FAAH2: variants seen among roughly 807,000 people sequenced by gnomAD.
FAAH2 encodes the protein fatty-acid amide hydrolase 2.
FAAH2 carries 60 observed loss-of-function variants against 36.9 expected under a neutral mutation model. That is an observed-to-expected ratio of 1.63 (90% confidence interval 1.32 to 2.02). The LOEUF (loss-of-function observed/expected upper bound fraction) is 2.02. Among genes scored for constraint, FAAH2 ranks in the 30% most tolerant of loss-of-function variants. The pLI, the probability that FAAH2 is intolerant of heterozygous loss-of-function variation, is 0.00. For missense variants in FAAH2, 689 were observed against 397.5 expected (o/e 1.73, Z -6.23); for synonymous variants, 214 against 143.8 (o/e 1.49, Z -3.49).
chrX:57,480,272 A>G (rs1332041247), intron 10 of FAAH2, among the ~76,000 whole-genome samples: 1 of 111,961 alleles, frequency 8.9e-6, no homozygotes, highest in Non-Finnish European at 1.9e-5. Context: ...TGGGGCCAGC[A>G]TCATCTTGAT....
At chrX:57,423,851 T>G (rs1327121368) in intron 7 of FAAH2, among the ~76,000 whole-genome samples, 1 of 111,354 alleles carries the variant, frequency 9.0e-6, no homozygotes, top group African/African-American at 3.3e-5. Flanking sequence ...TTCTGAGATA[T>G]CTGAGTATTT....
At chrX:57,470,464 A>G (rs1569367300) in intron 10 of FAAH2, among the ~76,000 whole-genome samples, 1 of 111,868 alleles carries the variant, frequency 8.9e-6, no homozygotes, top group Admixed American at 9.5e-5. Context: ...AGAATACTAT[A>G]AGCACCTCTA....
At chrX:57,481,015 T>C (rs2057369471) in intron 10 of FAAH2, among the ~76,000 whole-genome samples, 1 of 110,185 alleles carries the variant, frequency 9.1e-6, no homozygotes, top group Admixed American at 9.7e-5. Flanking sequence ...TGATATCCTT[T>C]CTTCCACTTG....
the FAAH2 span, among the ~76,000 whole-genome samples, chrX:57,279,607 AAAAG>A: frequency 8.9e-6 from 1 of 112,018 alleles, no homozygotes; most frequent in Non-Finnish European, 1.9e-5. Context: ...ATAATAATAA[AAAAG>A]AACCACAACA....
intron 10 of FAAH2, among the ~76,000 whole-genome samples, chrX:57,484,471 G>A (rs1222966676): frequency 9.0e-6 from 1 of 111,391 alleles, no homozygotes; most frequent in African/African-American, 3.3e-5. Context: ...CCCTTTTCAC[G>A]CCCTTGTTGT....
At chrX:57,348,671 G>A (rs780532502) in intron 5 of FAAH2, among the ~76,000 whole-genome samples, 16 of 111,466 alleles carry the variant, frequency 1.4e-4, no homozygotes, top group Non-Finnish European at 2.1e-4. Context: ...GAAGGAAACC[G>A]CAGATAGCTC....
chrX:57,386,775 A>G lies in FAAH2; in HGVS notation c.996+5746A>G, dbSNP rs56780477. Reference sequence around the variant, plus strand: ...AATGGGTTTTTTCACTGTTGATACTAATCAAGAGTCTCACTGTTATTGAAA... The same window carrying G: ...AATGGGTTTTTTCACTGTTGATACTGATCAAGAGTCTCACTGTTATTGAAA... On this transcript the variant is annotated intron_variant, in intron 7 of 10. Coordinates refer to ENST00000374900, the MANE Select transcript of FAAH2 (RefSeq NM_174912.4). Among the ~76,000 whole-genome samples, 467 of 112,324 alleles carry G rather than the reference A, an allele frequency of 4.2e-3. 1 individual carries two copies. The highest frequency in any genetic ancestry group is 0.015 in the African/African-American group (457 of 30,973).
At chrX:57,134,989 T>C in the FAAH2 span, 1 of 111,935 alleles carries the variant, frequency 8.9e-6, no homozygotes, top group Non-Finnish European at 1.9e-5. Context: ...CCTTTGTGCA[T>C]AGAGCCAGGA....
intron 4 of FAAH2, among the ~76,000 whole-genome samples, chrX:57,337,097 T>C (rs2147034638): frequency 9.0e-6 from 1 of 110,682 alleles, no homozygotes; most frequent in South Asian, 3.8e-4. Flanking sequence ...CAAACAACCA[T>C]CATAGATTAC....
At chrX:57,362,106 A>G (rs776735198) in intron 5 of FAAH2, among the ~76,000 whole-genome samples, 15 of 109,885 alleles carry the variant, frequency 1.4e-4, no homozygotes, top group Non-Finnish European at 2.9e-4. Flanking sequence ...TTTTTTTCAA[A>G]TTTTATTTTA....
chrX:57,197,686 C>G, the FAAH2 span, among the ~76,000 whole-genome samples: 1 of 111,557 alleles, frequency 9.0e-6, no homozygotes, highest in Non-Finnish European at 1.9e-5. Context: ...GGGTTCCAGG[C>G]TGATACAGAG....
chrX:57,173,244 A>G, the FAAH2 span, among the ~76,000 whole-genome samples: 2 of 112,196 alleles, frequency 1.8e-5, no homozygotes, highest in Admixed American at 1.9e-4. Flanking sequence ...TGTGTCATCT[A>G]TTATTTCTTT....
At chrX:57,225,496 TGA>T in the FAAH2 span, among the ~76,000 whole-genome samples, 15 of 112,007 alleles carry the variant, frequency 1.3e-4, no homozygotes, top group Non-Finnish European at 2.8e-4. Flanking sequence ...CACTTTGGTC[TGA>T]GAGAGTATTT....
chrX:57,279,909 C>A, the FAAH2 span, among the ~76,000 whole-genome samples: 1 of 111,661 alleles, frequency 9.0e-6, no homozygotes, highest in African/African-American at 3.3e-5. Context: ...AAGCTGGAAG[C>A]ATTTCCCATG....
intron 2 of FAAH2, among the ~76,000 whole-genome samples, chrX:57,303,334 A>T (rs1413966903): frequency 8.9e-6 from 1 of 111,734 alleles, no homozygotes; most frequent in Non-Finnish European, 1.9e-5. Context: ...CTTGTAACCC[A>T]CTTCCTAAAT....
intron 5 of FAAH2, among the ~76,000 whole-genome samples, chrX:57,371,438 C>A (rs1241954860): frequency 8.9e-6 from 1 of 111,919 alleles, no homozygotes; most frequent in Non-Finnish European, 1.9e-5. Context: ...TTTCTATGGG[C>A]TGCATAGTAC....
the FAAH2 span, among the ~76,000 whole-genome samples, chrX:57,150,860 G>A: frequency 8.9e-6 from 1 of 112,086 alleles, no homozygotes; most frequent in African/African-American, 3.2e-5. Context: ...TAGCCTTGAT[G>A]GTCTATACAA....
chrX:57,147,566 C>T, the FAAH2 span, among the ~76,000 whole-genome samples: 1 of 111,604 alleles, frequency 9.0e-6, no homozygotes, highest in East Asian at 2.8e-4. Context: ...TTTCATTCCG[C>T]TCTGATCTTG....
the FAAH2 span, among the ~76,000 whole-genome samples, chrX:57,153,708 C>T: frequency 1.5e-4 from 17 of 112,445 alleles, no homozygotes; most frequent in African/African-American, 4.5e-4. Flanking sequence ...CCTTCTAGCT[C>T]GTAGAGTTTC....
Sources: allele counts gnomAD v4.1 joint callset (sites outside exome capture counted in the v4.1 genomes callset), GRCh38; gene constraint gnomAD v4.1.1; transcripts MANE v1.5; gene names NCBI Gene and HGNC (gene_info 2026-07-23, HGNC 2026-07-21).